The following MITF variants were observed in gnomAD, a reference collection of about 807,000 sequenced individuals.
MITF encodes the protein melanocyte inducing transcription factor, also known as microphthalmia-associated transcription factor.
Under a neutral mutation model 60.5 loss-of-function variants are expected in MITF, and 17 were observed. The ratio of observed to expected loss-of-function variants is 0.28; its 90% confidence interval spans 0.19 to 0.42. The LOEUF (loss-of-function observed/expected upper bound fraction) is 0.42. MITF is among the 10% of genes least tolerant of loss of function. MITF has a pLI of 1.00. For synonymous variants in MITF, 260 were observed against 248.5 expected (o/e 1.05, Z -0.43); for missense variants, 622 against 683.5 (o/e 0.91, Z 1.00).
intron 2 of MITF, among the ~76,000 whole-genome samples, chr3:69,932,193 T>C (rs1022727269): frequency 9.2e-5 from 14 of 152,296 alleles, no homozygotes; most frequent in African/African-American, 3.1e-4. Context: ...AGCCACAATG[T>C]AGATAATTTT....
At chr3:69,808,308 A>C (rs963455210) in intron 1 of MITF, among the ~76,000 whole-genome samples, 1 of 151,972 alleles carries the variant, frequency 6.6e-6, no homozygotes, top group African/African-American at 2.4e-5. Context: ...TGCCTTTGAG[A>C]GTCAAGGGGG....
intron 2 of MITF, among the ~76,000 whole-genome samples, chr3:69,890,727 G>A (rs951449187): frequency 6.6e-6 from 1 of 152,062 alleles, no homozygotes; most frequent in Admixed American, 6.6e-5. Flanking sequence ...CAAGTTTTCT[G>A]TTTTGATAGT....
chr3:69,949,542 G>T (rs1216780199), intron 6 of MITF, among the ~76,000 whole-genome samples: 2 of 152,038 alleles, frequency 1.3e-5, no homozygotes, highest in South Asian at 2.1e-4. Flanking sequence ...AGAGGCATTT[G>T]CATTTGAGAA....
At chr3:69,960,256 A>G (rs974487417) in intron 9 of MITF, among the ~76,000 whole-genome samples, 2 of 152,252 alleles carry the variant, frequency 1.3e-5, no homozygotes, top group South Asian at 2.1e-4. Context: ...TATTAAGGAC[A>G]TAATTCCTGG....
intron 1 of MITF, among the ~76,000 whole-genome samples, chr3:69,752,555 T>G (rs1703974655): frequency 6.6e-6 from 1 of 152,146 alleles, no homozygotes; most frequent in Non-Finnish European, 1.5e-5. Flanking sequence ...AGAGTGATGA[T>G]TTAGGGTAAC....
chr3:69,895,403 A>G (rs1459978727), intron 2 of MITF, among the ~76,000 whole-genome samples: 2 of 152,180 alleles, frequency 1.3e-5, no homozygotes, highest in African/African-American at 2.4e-5. Flanking sequence ...CACTTACTGC[A>G]TTCCTGAGAC....
At chr3:69,806,626 G>A (rs374348829) in intron 1 of MITF, among the ~76,000 whole-genome samples, 4 of 152,270 alleles carry the variant, frequency 2.6e-5, no homozygotes, top group East Asian at 1.9e-4. Context: ...GAACTCATAT[G>A]TAACAGTTCC....
At chr3:69,940,781 G>A (rs1205444161) in intron 4 of MITF, among the ~76,000 whole-genome samples, 1 of 152,104 alleles carries the variant, frequency 6.6e-6, no homozygotes, top group South Asian at 2.1e-4. Context: ...GAAGTGCTGT[G>A]GTACATCTCT....
chr3:69,821,511 C>G (rs143198704), intron 1 of MITF, among the ~76,000 whole-genome samples: 1 of 152,132 alleles, frequency 6.6e-6, no homozygotes, highest in African/African-American at 2.4e-5. Flanking sequence ...AAGTTGGCTT[C>G]TCTGTTGCAG....
chr3:69,788,982 A>G (rs776614469), intron 1 of MITF, among the ~76,000 whole-genome samples: 23 of 152,182 alleles, frequency 1.5e-4, no homozygotes, highest in Non-Finnish European at 3.2e-4. Context: ...ACCCAAAACT[A>G]TAAAACTCCT....
intron 1 of MITF, among the ~76,000 whole-genome samples, chr3:69,760,126 A>G (rs1048701891): frequency 4.6e-5 from 7 of 152,308 alleles, no homozygotes; most frequent in Middle Eastern, 6.8e-3. Flanking sequence ...ATGGCCCATC[A>G]CTTCCAGATC....
intron 1 of MITF, among the ~76,000 whole-genome samples, chr3:69,832,703 G>A (rs952739467): frequency 1.3e-5 from 2 of 150,836 alleles, no homozygotes; most frequent in East Asian, 1.9e-4. Flanking sequence ...TTTTTGCCTC[G>A]TTACACCATA....
chr3:69,950,417 C>T (rs2107514613), intron 6 of MITF, among the ~76,000 whole-genome samples: 1 of 148,654 alleles, frequency 6.7e-6, no homozygotes, highest in South Asian at 2.1e-4. Context: ...TTTGAACTGA[C>T]CATCACAACT....
chr3:69,917,556 C>T (rs1427404741), intron 2 of MITF, among the ~76,000 whole-genome samples: 1 of 152,022 alleles, frequency 6.6e-6, no homozygotes, highest in Admixed American at 6.6e-5. Flanking sequence ...CCTTATATAA[C>T]ATTCCTTATA....
rs561119497 is a variant in MITF at position 69,903,275 on chromosome 3, A to T, written c.354+23892A>T. Among the ~76,000 whole-genome samples, 5 of 152,258 alleles carry T rather than the reference A, an allele frequency of 3.3e-5. No homozygotes were observed. In the South Asian group the frequency reaches 1.0e-3, roughly 32 times the overall value. ...CCTAGAATATAGGAATGGCCTTGTAATCTGTATTTTTATAAAATCTCCCTG... is the reference window on the plus strand; with the variant it reads ...CCTAGAATATAGGAATGGCCTTGTATTCTGTATTTTTATAAAATCTCCCTG... On this transcript the variant is annotated intron_variant, in intron 2 of 9. Transcript: ENST00000352241.
intron 1 of MITF, among the ~76,000 whole-genome samples, chr3:69,813,185 C>G (rs2063127581): frequency 2.6e-5 from 4 of 152,100 alleles, no homozygotes; most frequent in Admixed American, 2.0e-4. Context: ...TTTCTCATTC[C>G]TTAATGTTAC....
At chr3:69,857,411 T>C (rs1348465600) in intron 1 of MITF, among the ~76,000 whole-genome samples, 1 of 152,114 alleles carries the variant, frequency 6.6e-6, no homozygotes, top group Non-Finnish European at 1.5e-5. Context: ...ACATGGGGTA[T>C]GATATGCAAA....
At chr3:69,894,228 C>A (rs1474289521) in intron 2 of MITF, among the ~76,000 whole-genome samples, 1 of 152,228 alleles carries the variant, frequency 6.6e-6, no homozygotes, top group Non-Finnish European at 1.5e-5. Flanking sequence ...GCCTACATTG[C>A]AGAACCAGTC....
chr3:69,891,862 T>C (rs970250591), intron 2 of MITF, among the ~76,000 whole-genome samples: 1 of 152,188 alleles, frequency 6.6e-6, no homozygotes, highest in Non-Finnish European at 1.5e-5. Flanking sequence ...GGGTATCTTG[T>C]ACATGTGGTA....
Sources: gnomAD v4.1 joint callset for allele counts (sites outside exome capture counted in the v4.1 genomes callset) on GRCh38, gnomAD v4.1.1 for gene constraint, MANE v1.5 for transcripts, NCBI Gene and HGNC (gene_info 2026-07-23, HGNC 2026-07-21) for gene names.